ROR2: variants seen among roughly 807,000 people sequenced by gnomAD.
The protein encoded by ROR2 is ROR family WNT receptor 2.
Under a neutral mutation model 74.9 loss-of-function variants are expected in ROR2, and 33 were observed. That is an observed-to-expected ratio of 0.44 (90% CI 0.33 to 0.59). The LOEUF is 0.59. Ranked by LOEUF, ROR2 falls within the 20% of genes least tolerant of loss-of-function variation. The pLI, the probability that ROR2 is intolerant of heterozygous loss-of-function variation, is 0.02. For synonymous variants in ROR2, 586 were observed against 558.7 expected, an observed-to-expected ratio of 1.05 and a Z score of -0.69; for missense variants, 1,216 against 1,313.8, an observed-to-expected ratio of 0.93 and a Z score of 1.15.
chr9:91,914,559 G>A (rs1831076018), intron 1 of ROR2, among the ~76,000 whole-genome samples: 1 of 152,158 alleles, frequency 6.6e-6, no homozygotes, highest in Admixed American at 6.5e-5. Flanking sequence ...CGGTCACCTT[G>A]TGGGCACAGT....
At chr9:91,937,752 T>C (rs1831740461) in intron 1 of ROR2, among the ~76,000 whole-genome samples, 1 of 152,206 alleles carries the variant, frequency 6.6e-6, no homozygotes, top group Non-Finnish European at 1.5e-5. Flanking sequence ...AGTTTTGCTC[T>C]GTCACCCAGG....
chr9:91,752,950 G>GATGTATACAGCTAGAGTATAC (rs1244718136), intron 4 of ROR2, among the ~76,000 whole-genome samples: 2 of 152,132 alleles, frequency 1.3e-5, no homozygotes, highest in African/African-American at 4.8e-5. Flanking sequence ...GAGTATACAG[G>GATGTATACAGCTAGAGTATAC]AGCCCACTAT....
chr9:91,910,806 G>A (rs1830958838), intron 1 of ROR2, among the ~76,000 whole-genome samples: 1 of 152,066 alleles, frequency 6.6e-6, no homozygotes, highest in Non-Finnish European at 1.5e-5. Context: ...TGAGATTAGA[G>A]GCGTGTACCA....
At chr9:91,939,228 G>A (rs954326338) in intron 1 of ROR2, among the ~76,000 whole-genome samples, 3 of 151,362 alleles carry the variant, frequency 2.0e-5, no homozygotes, top group South Asian at 2.1e-4. Context: ...CCAGCCTGGC[G>A]ACAAAGCGAG....
chr9:91,898,590 G>A (rs1451167495), intron 1 of ROR2, among the ~76,000 whole-genome samples: 1 of 152,202 alleles, frequency 6.6e-6, no homozygotes, highest in Non-Finnish European at 1.5e-5. Context: ...ACAGCCAGGT[G>A]GCCAGCACAA....
chr9:91,736,680 G>T (rs1825036841), intron 5 of ROR2, among the ~76,000 whole-genome samples: 1 of 152,134 alleles, frequency 6.6e-6, no homozygotes, highest in Non-Finnish European at 1.5e-5. Flanking sequence ...CCTTTCCAAG[G>T]CCTTTCCCCT....
intron 1 of ROR2, among the ~76,000 whole-genome samples, chr9:91,925,697 G>T (rs1831379376): frequency 1.3e-5 from 2 of 152,132 alleles, no homozygotes; most frequent in Admixed American, 1.3e-4. Context: ...CAAATACAGA[G>T]TAACAGCAAT....
chr9:91,737,584 T>C (rs1365883407), intron 4 of ROR2, 66 bp from the exon 5 acceptor site: 3 of 1,611,538 alleles, frequency 1.9e-6, no homozygotes, highest in Non-Finnish European at 2.5e-6. Flanking sequence ...ATGACTTCTT[T>C]TATGATCCAG....
chr9:91,934,925 T>C (rs1831644015), intron 1 of ROR2, among the ~76,000 whole-genome samples: 1 of 152,138 alleles, frequency 6.6e-6, no homozygotes. Context: ...ATTTCCAAAC[T>C]AAAATGATGA....
Position 91,726,753 on chromosome 9 carries a change from A to G in ROR2, c.1184-10T>C, listed in dbSNP as rs184670366. 6.2e-6 allele frequency: 10 copies of G among 1,613,732 alleles called. No homozygotes were observed. In the East Asian group the frequency reaches 1.6e-4, roughly 25 times the overall value. ...CTGCTGTCTCGGGGACCTGTGAACA[A>G]TAAGGCTTTCGTGATTTTTCAGAAA... is the stretch of plus-strand genomic sequence containing the variant. On this transcript the variant is annotated splice_polypyrimidine_tract_variant and intron_variant, in intron 7 of 8. Coordinates refer to ENST00000375708, the MANE Select transcript of ROR2 (RefSeq NM_004560.4).
chr9:91,834,736 G>A (rs141490003), intron 1 of ROR2, among the ~76,000 whole-genome samples: 13 of 152,302 alleles, frequency 8.5e-5, no homozygotes, highest in African/African-American at 2.6e-4. Flanking sequence ...GAGCTCTTGC[G>A]ATTTTAAAGC....
intron 1 of ROR2, among the ~76,000 whole-genome samples, chr9:91,805,685 ACAC>A (rs1349171685): frequency 6.6e-6 from 1 of 152,238 alleles, no homozygotes; most frequent in East Asian, 1.9e-4. Context: ...ACATGCTCAC[ACAC>A]AAGTATGAAC....
intron 4 of ROR2, among the ~76,000 whole-genome samples, chr9:91,740,929 C>A (rs980264626): frequency 2.0e-5 from 3 of 152,142 alleles, no homozygotes; most frequent in African/African-American, 7.2e-5. Flanking sequence ...AGGCACTGAT[C>A]CAAGGCCTGA....
At chr9:91,858,771 C>T (rs941677252) in intron 1 of ROR2, among the ~76,000 whole-genome samples, 4 of 152,152 alleles carry the variant, frequency 2.6e-5, no homozygotes, top group Non-Finnish European at 5.9e-5. Context: ...AGTTCTAAGT[C>T]CCGACAAGAA....
rs545558251 is a variant in ROR2, at chr9:91,858,258, T to C, written c.98-82440A>G. ...AACTGCTGGCAGCTCACCTGGGCCATGAGAAGGCACAGGCACACCTGCACA... is the reference window on the plus strand; with the variant it reads ...AACTGCTGGCAGCTCACCTGGGCCACGAGAAGGCACAGGCACACCTGCACA... On this transcript the variant is annotated intron_variant, in intron 1 of 8. Transcript: ENST00000375708. Among the ~76,000 whole-genome samples the C allele has an allele frequency of 6.6e-5, 10 of 152,246 alleles. No individual in the cohort carries two copies. In the East Asian group the frequency reaches 1.4e-3, roughly 21 times the overall value.
At chr9:91,805,912 C>A (rs565164655) in intron 1 of ROR2, among the ~76,000 whole-genome samples, 35 of 152,332 alleles carry the variant, frequency 2.3e-4, no homozygotes, top group Non-Finnish European at 4.6e-4. Flanking sequence ...TGGAATCGCA[C>A]AAACTATCAC....
chr9:91,825,998 T>A (rs1289773360), intron 1 of ROR2, among the ~76,000 whole-genome samples: 1 of 152,246 alleles, frequency 6.6e-6, no homozygotes, highest in Non-Finnish European at 1.5e-5. Flanking sequence ...TTAGGAACTC[T>A]CACTGGGTGG....
intron 1 of ROR2, among the ~76,000 whole-genome samples, chr9:91,813,271 C>T (rs1827820046): frequency 1.3e-5 from 2 of 152,108 alleles, no homozygotes; most frequent in South Asian, 4.1e-4. Flanking sequence ...ACACCCCTCG[C>T]TCTACAAAGG....
At chr9:91,854,548 A>C (rs553186528) in intron 1 of ROR2, among the ~76,000 whole-genome samples, 5 of 152,306 alleles carry the variant, frequency 3.3e-5, no homozygotes, top group Admixed American at 3.3e-4. Flanking sequence ...AGTGAAGGAG[A>C]CTGGCCTTCC....
Sources: allele counts gnomAD v4.1 joint callset (sites outside exome capture counted in the v4.1 genomes callset), GRCh38; gene constraint gnomAD v4.1.1; transcripts MANE v1.5; gene names NCBI Gene and HGNC (gene_info 2026-07-23, HGNC 2026-07-21).